CPEB3: variants seen among roughly 807,000 people sequenced by gnomAD.
CPEB3 encodes the protein cytoplasmic polyadenylation element binding protein 3, also known as cytoplasmic polyadenylation element-binding protein 3.
Under a neutral mutation model 67.2 loss-of-function variants are expected in CPEB3, and 20 were observed. The observed-to-expected ratio is 0.30, with a 90% confidence interval of 0.21 to 0.43. The LOEUF (loss-of-function observed/expected upper bound fraction) is 0.43. Ranked by LOEUF, CPEB3 falls within the 20% of genes least tolerant of loss-of-function variation. The pLI is 1.00. For synonymous variants in CPEB3, 376 were observed against 393.1 expected (o/e 0.96, Z 0.51); for missense variants, 746 against 968.6 (o/e 0.77, Z 3.05).
chr10:92,288,251 TG>T (rs1842628362), intron 1 of CPEB3, among the ~76,000 whole-genome samples: 1 of 151,996 alleles, frequency 6.6e-6, no homozygotes, highest in Non-Finnish European at 1.5e-5. Context: ...TTTGTGCTCA[TG>T]AGTTCGAAAC....
chr10:92,171,289 C>T (rs1280308865), intron 4 of CPEB3, among the ~76,000 whole-genome samples: 1 of 152,146 alleles, frequency 6.6e-6, no homozygotes, highest in East Asian at 1.9e-4. Context: ...CTTCAGGGAA[C>T]AATAAAAGCA....
At chr10:92,235,409 C>T (rs1212486754) in intron 2 of CPEB3, among the ~76,000 whole-genome samples, 4 of 151,724 alleles carry the variant, frequency 2.6e-5, no homozygotes, top group Non-Finnish European at 5.9e-5. Context: ...TAACACACTG[C>T]ACTCCAGCCT....
chr10:92,191,379 C>CA (rs1404918616), intron 3 of CPEB3, among the ~76,000 whole-genome samples: 1 of 148,226 alleles, frequency 6.7e-6, no homozygotes, highest in Non-Finnish European at 1.5e-5. Flanking sequence ...TCCACTGTCT[C>CA]AAAAAAATAA....
chr10:92,086,950 G>A (rs922797659), intron 8 of CPEB3, among the ~76,000 whole-genome samples: 7 of 152,150 alleles, frequency 4.6e-5, no homozygotes, highest in African/African-American at 1.7e-4. Flanking sequence ...CAAATCTGGA[G>A]TTTATCCGGG....
At chr10:92,109,316 G>A (rs531226801) in intron 7 of CPEB3, among the ~76,000 whole-genome samples, 23 of 151,346 alleles carry the variant, frequency 1.5e-4, no homozygotes, top group African/African-American at 4.6e-4. Context: ...GCAATGACGC[G>A]ATCTCGGCTC....
chr10:92,069,561 C>T (rs926403674), intron 9 of CPEB3, among the ~76,000 whole-genome samples: 4 of 152,044 alleles, frequency 2.6e-5, no homozygotes, highest in South Asian at 2.1e-4. Context: ...GTACCACTAC[C>T]GTCCAGCTAA....
intron 9 of CPEB3, among the ~76,000 whole-genome samples, chr10:92,065,558 T>C (rs773647045): frequency 9.2e-5 from 14 of 152,106 alleles, no homozygotes; most frequent in African/African-American, 2.7e-4. Context: ...TTCTGACCGA[T>C]AGAGGAAAAT....
intron 7 of CPEB3, among the ~76,000 whole-genome samples, chr10:92,104,450 G>A (rs1341069858): frequency 2.1e-5 from 3 of 146,152 alleles, no homozygotes; most frequent in Non-Finnish European, 3.0e-5. Context: ...TGGCTGGCAC[G>A]ATCTCGGCTC....
intron 4 of CPEB3, among the ~76,000 whole-genome samples, chr10:92,159,125 C>T (rs1485779686): frequency 1.3e-5 from 2 of 149,814 alleles, no homozygotes; most frequent in African/African-American, 4.9e-5. Context: ...TGGCCGGGCG[C>T]GGTGGCTCAC....
At chr10:92,126,358 T>C (rs571477692) in intron 6 of CPEB3, among the ~76,000 whole-genome samples, 2 of 152,268 alleles carry the variant, frequency 1.3e-5, no homozygotes, top group African/African-American at 4.8e-5. Flanking sequence ...GAACTTATCC[T>C]TGCAGTCAAA....
intron 6 of CPEB3, among the ~76,000 whole-genome samples, chr10:92,141,618 A>T (rs1053725013): frequency 6.6e-6 from 1 of 151,658 alleles, no homozygotes; most frequent in African/African-American, 2.4e-5. Context: ...GTACCCTAAA[A>T]CTTAAAGTAT....
intron 6 of CPEB3, among the ~76,000 whole-genome samples, chr10:92,111,652 T>C (rs949849180): frequency 6.6e-6 from 1 of 152,190 alleles, no homozygotes; most frequent in African/African-American, 2.4e-5. Flanking sequence ...AAAAAATAGA[T>C]TAGTGGCTGC....
chr10:92,115,359 GGTCAGGATGGTCTCAAACACCT>G (rs200708926), intron 6 of CPEB3, among the ~76,000 whole-genome samples: 21,515 of 152,076 alleles, frequency 0.14, 1,818 homozygotes, highest in African/African-American at 0.22. Flanking sequence ...TCACCACGTT[GGTCAGGATGGTCTCAAACACCT>G]GACCTTGTGA....
chr10:92,198,597 C>T (rs898687100), intron 2 of CPEB3, among the ~76,000 whole-genome samples: 1 of 152,214 alleles, frequency 6.6e-6, no homozygotes, highest in African/African-American at 2.4e-5. Flanking sequence ...AAAGGGCCAA[C>T]AGCATCTGGG....
At chr10:92,207,099 C>T (rs547664840) in intron 2 of CPEB3, among the ~76,000 whole-genome samples, 1 of 152,164 alleles carries the variant, frequency 6.6e-6, no homozygotes, top group Non-Finnish European at 1.5e-5. Flanking sequence ...CCTCCTACCT[C>T]AGCCTCCTGA....
chr10:92,151,886 C>A (rs1357285224), intron 4 of CPEB3, among the ~76,000 whole-genome samples: 1 of 152,194 alleles, frequency 6.6e-6, no homozygotes, highest in Non-Finnish European at 1.5e-5. Context: ...CCACTGCCAT[C>A]ACCCTATCCT....
chr10:92,288,330 C>T (rs952932342), intron 1 of CPEB3, among the ~76,000 whole-genome samples: 15 of 151,976 alleles, frequency 9.9e-5, no homozygotes, highest in African/African-American at 2.7e-4. Context: ...CATGGTGGTG[C>T]GCCCCTGTAG....
chr10:92,234,760 A>G (rs1851445652), intron 2 of CPEB3, among the ~76,000 whole-genome samples: 1 of 152,038 alleles, frequency 6.6e-6, no homozygotes, highest in Non-Finnish European at 1.5e-5. Flanking sequence ...CCCCGTCTCT[A>G]CTAAAAATAT....
chr10:92,260,115 T>C (rs139031885), intron 1 of CPEB3, among the ~76,000 whole-genome samples: 24 of 152,306 alleles, frequency 1.6e-4, no homozygotes, highest in African/African-American at 5.8e-4. Flanking sequence ...GGGCAAATTG[T>C]GGTTCAGCAA....
Sources: allele counts gnomAD v4.1 joint callset (sites outside exome capture counted in the v4.1 genomes callset), GRCh38; gene constraint gnomAD v4.1.1; transcripts MANE v1.5; gene names NCBI Gene and HGNC (gene_info 2026-07-23, HGNC 2026-07-21).